Variants in DACH2 observed in about 807,000 individuals in gnomAD.
DACH2 encodes the protein dachshund homolog 2.
A neutral mutation model predicts 35.8 loss-of-function variants in DACH2; 17 were observed. The ratio of observed to expected loss-of-function variants is 0.48; its 90% CI spans 0.33 to 0.71. The LOEUF (loss-of-function observed/expected upper bound fraction) is 0.71, where lower values mean the gene tolerates loss of function less well. Ranked by LOEUF, DACH2 falls within the 30% of genes least tolerant of loss-of-function variation. The pLI, the probability that DACH2 is intolerant of heterozygous loss-of-function variation, is 0.02. For missense variants in DACH2, 469 were observed against 472.7 expected (o/e 0.99, Z 0.07); for synonymous variants, 195 against 177.3 (o/e 1.10, Z -0.79).
chrX:86,499,268 A>C (rs750811002), intron 2 of DACH2, among the ~76,000 whole-genome samples: 10 of 111,814 alleles, frequency 8.9e-5, no homozygotes, highest in African/African-American at 3.2e-4. Context: ...TGATAATGTA[A>C]GAAGGTAAAT....
intron 2 of DACH2, among the ~76,000 whole-genome samples, chrX:86,429,329 C>A (rs2036945024): frequency 9.0e-6 from 1 of 110,819 alleles, no homozygotes. Flanking sequence ...CATTTTACCC[C>A]ATACTTTTTA....
chrX:86,306,317 C>T (rs760194442), intron 1 of DACH2, among the ~76,000 whole-genome samples: 35 of 111,875 alleles, frequency 3.1e-4, no homozygotes, highest in Non-Finnish European at 5.1e-4. Flanking sequence ...ACCTGGAGGA[C>T]GTTATGTTAG....
intron 4 of DACH2, among the ~76,000 whole-genome samples, chrX:86,691,219 T>G (rs1045218700): frequency 8.1e-5 from 9 of 111,729 alleles, no homozygotes; most frequent in African/African-American, 2.6e-4. Flanking sequence ...CATACTTTAG[T>G]GTTATGGGCT....
At chrX:86,724,520 C>T (rs66483033) in intron 6 of DACH2, among the ~76,000 whole-genome samples, 25,024 of 110,825 alleles carry the variant, frequency 0.23, 2,350 homozygotes, top group Admixed American at 0.44. Flanking sequence ...AAATGTCATA[C>T]AATTCTCTTC....
At chrX:86,292,573 A>G (rs1187621637) in intron 1 of DACH2, among the ~76,000 whole-genome samples, 1 of 110,595 alleles carries the variant, frequency 9.0e-6, no homozygotes, top group Non-Finnish European at 1.9e-5. Flanking sequence ...AGTGCTATAA[A>G]TTTCCCTCTA....
intron 2 of DACH2, among the ~76,000 whole-genome samples, chrX:86,463,546 A>G (rs1482166180): frequency 9.0e-6 from 1 of 111,066 alleles, no homozygotes; most frequent in Non-Finnish European, 1.9e-5. Flanking sequence ...AAAGACTTAA[A>G]CGAAAAACCC....
At chrX:86,809,171 T>C (rs1041999226) in intron 7 of DACH2, among the ~76,000 whole-genome samples, 4 of 111,889 alleles carry the variant, frequency 3.6e-5, no homozygotes, top group African/African-American at 1.3e-4. Context: ...CTATTCTTAC[T>C]TTGTAGTTTA....
chrX:86,199,949 T>TA (rs1005845955), intron 1 of DACH2, among the ~76,000 whole-genome samples: 4 of 112,108 alleles, frequency 3.6e-5, no homozygotes, highest in African/African-American at 1.3e-4. Context: ...AAAACTATTT[T>TA]AAAATTCATA....
chrX:86,578,538 T>C (rs2039463272), intron 3 of DACH2, among the ~76,000 whole-genome samples: 1 of 111,696 alleles, frequency 9.0e-6, no homozygotes, highest in Non-Finnish European at 1.9e-5. Context: ...ATATCTAGCT[T>C]TTTCAGACTG....
At chrX:86,180,452 A>C (rs1377232719) in intron 1 of DACH2, among the ~76,000 whole-genome samples, 1 of 109,284 alleles carries the variant, frequency 9.2e-6, no homozygotes, top group Non-Finnish European at 1.9e-5. Flanking sequence ...CCATCTCCCG[A>C]GGCATTTGAG....
At chrX:86,775,557 G>A (rs779899684) in intron 7 of DACH2, among the ~76,000 whole-genome samples, 13 of 111,617 alleles carry the variant, frequency 1.2e-4, no homozygotes, top group Non-Finnish European at 1.9e-4. Context: ...TGGGAAAATT[G>A]TCTTCCATGA....
chrX:86,449,299 C>T (rs1023855170), intron 2 of DACH2, among the ~76,000 whole-genome samples: 1 of 88,265 alleles, frequency 1.1e-5, no homozygotes, highest in African/African-American at 4.2e-5. Context: ...CTATTTCCTT[C>T]AGTTCTGCTC....
chrX:86,627,451 C>T (rs982726311), intron 3 of DACH2, among the ~76,000 whole-genome samples: 4 of 110,953 alleles, frequency 3.6e-5, no homozygotes, highest in Admixed American at 9.6e-5. Flanking sequence ...CTATACATTC[C>T]GATAGTTAAT....
intron 3 of DACH2, among the ~76,000 whole-genome samples, chrX:86,599,466 T>TTTTCTTTCTTTCTTTCTTTATTTC (rs2039759460): frequency 1.6e-5 from 1 of 62,780 alleles, no homozygotes; most frequent in Non-Finnish European, 2.8e-5. Flanking sequence ...TCCTTCCTTC[T>TTTTCTTTCTTTCTTTCTTTATTTC]TTTCTTTCTT....
chrX:86,625,005 C>G (rs983071960), intron 3 of DACH2, among the ~76,000 whole-genome samples: 3 of 111,436 alleles, frequency 2.7e-5, no homozygotes, highest in Non-Finnish European at 5.7e-5. Context: ...AGATAAATTT[C>G]TTTATGGATT....
intron 2 of DACH2, among the ~76,000 whole-genome samples, chrX:86,445,039 T>A (rs2037236351): frequency 9.0e-6 from 1 of 111,245 alleles, no homozygotes. Flanking sequence ...ACTTTCCCAC[T>A]GTTCTCAATC....
intron 1 of DACH2, among the ~76,000 whole-genome samples, chrX:86,344,967 T>C (rs1430181959): frequency 8.9e-6 from 1 of 112,218 alleles, no homozygotes; most frequent in African/African-American, 3.2e-5. Flanking sequence ...TAACCTCCTT[T>C]AGAAACTCTA....
chrX:86,695,092 A>C lies in DACH2; in HGVS notation c.844A>C (p.Ile282Leu), dbSNP rs375345867. ...TGCTGCACCTGGACCCCAACATGGA[A>C]TTGCTCATGCAGCCCTAGCTGGCCA... ...PFAAPGPQHG[I>L]AHAALAGQPG... The change falls in exon 5 of 12, where the codon ATT becomes CTT. Residue 282 changes from isoleucine (I) to leucine (L), a missense_variant. Ile to Leu is a conservative substitution (Grantham distance 5, BLOSUM62 2). Around this residue, in one of 3 missense-constraint regions of DACH2, gnomAD observed 363 missense variants for 334.4 expected, o/e 1.09. Coordinates refer to ENST00000373125, the MANE Select transcript of DACH2 (RefSeq NM_053281.3). 6.9e-6 allele frequency: 8 copies of C among 1,155,367 alleles called. No individual in the cohort carries two copies. Among genetic ancestry groups the C allele is most frequent in the South Asian group, 6.3e-5 (3 of 47,469 alleles).
intron 2 of DACH2, among the ~76,000 whole-genome samples, chrX:86,383,397 T>TA (rs2036075762): frequency 9.3e-6 from 1 of 107,410 alleles, no homozygotes; most frequent in South Asian, 4.1e-4. Flanking sequence ...GAGGCGTTGA[T>TA]ACATCTCTAT....
Sources: allele counts gnomAD v4.1 joint callset (sites outside exome capture counted in the v4.1 genomes callset), GRCh38; gene constraint gnomAD v4.1.1; regional missense constraint gnomAD v4.1.1; transcripts MANE v1.5; gene names NCBI Gene and HGNC (gene_info 2026-07-23, HGNC 2026-07-21).